ARAP2: variants seen among roughly 807,000 people sequenced by gnomAD.
The protein encoded by ARAP2 is arf-GAP with Rho-GAP domain, ANK repeat and PH domain-containing protein 2.
ARAP2 carries 148 observed loss-of-function variants against 194.5 expected under a neutral mutation model. The ratio of observed to expected loss-of-function variants is 0.76; its 90% CI spans 0.67 to 0.87. The LOEUF is 0.87. Among genes scored for constraint, ARAP2 ranks in the 40% least tolerant of loss-of-function variants. The pLI, the probability that ARAP2 is intolerant of heterozygous loss-of-function variation, is 0.00. For missense variants in ARAP2, 2,128 were observed against 1,989.7 expected (o/e 1.07, Z -1.32); for synonymous variants, 695 against 683.5 (o/e 1.02, Z -0.26).
chr4:36,214,619 T>C, intron 2 of ARAP2, 139 bp from the exon 3 acceptor site: 1 of 463,572 alleles, frequency 2.2e-6, no homozygotes, highest in Non-Finnish European at 3.5e-6. Flanking sequence ...GAGCTATACA[T>C]TCTTTTGGGT....
At chr4:36,039,652 G>T (rs1450693836) in intron 5 of ARAP2, among the ~76,000 whole-genome samples, 4 of 152,096 alleles carry the variant, frequency 2.6e-5, no homozygotes, top group Non-Finnish European at 5.9e-5. Context: ...GATCATTTGA[G>T]CCCTTCCCAT....
At chr4:36,038,758 G>C (rs958200312) in intron 5 of ARAP2, among the ~76,000 whole-genome samples, 13 of 152,086 alleles carry the variant, frequency 8.5e-5, no homozygotes. Context: ...TTTCTGCTTT[G>C]GAAGCACATG....
intron 3 of ARAP2, among the ~76,000 whole-genome samples, chr4:36,050,819 C>A (rs147144300): frequency 0.011 from 1,682 of 152,204 alleles, 19 homozygotes; most frequent in Non-Finnish European, 0.015. Flanking sequence ...CATTATGTTT[C>A]TTTTGATGTG....
intron 9 of ARAP2, among the ~76,000 whole-genome samples, chr4:36,167,744 T>C (rs1277068295): frequency 6.6e-6 from 1 of 152,154 alleles, no homozygotes; most frequent in Non-Finnish European, 1.5e-5. Context: ...TTGTTCAAAA[T>C]CTATAGTTAC....
At chr4:36,025,073 G>T (rs1717666836) in intron 5 of ARAP2, among the ~76,000 whole-genome samples, 1 of 152,048 alleles carries the variant, frequency 6.6e-6, no homozygotes, top group African/African-American at 2.4e-5. Context: ...TTCAACTTTG[G>T]CAGGGGGTGG....
In ARAP2 at chr4:36,177,953, G is replaced by A; in HGVS notation, c.1731C>T (p.Ser577=). 1 of 1,612,918 alleles carries A rather than the reference G, an allele frequency of 6.2e-7. No homozygotes were observed. Among genetic ancestry groups the A allele is most frequent in the Non-Finnish European group, 8.5e-7 (1 of 1,179,500 alleles). The part of the protein sequence containing the change: ...SILLNALKSQ[S]LTSQSQAVVT... ...CAACAGCTTGAGACTGCGAGGTAAGGGATTGTGATTTCAGTGCATTTAATA... is the reference window on the plus strand; with the variant it reads ...CAACAGCTTGAGACTGCGAGGTAAGAGATTGTGATTTCAGTGCATTTAATA... The change falls in exon 9 of 33, where the codon TCC becomes TCT. Residue 577 remains serine (S), a synonymous_variant. Coordinates refer to ENST00000303965, the MANE Select transcript of ARAP2 (RefSeq NM_015230.4).
intron 8 of ARAP2, among the ~76,000 whole-genome samples, chr4:36,182,348 C>T (rs924063943): frequency 5.9e-5 from 9 of 151,956 alleles, no homozygotes; most frequent in Non-Finnish European, 1.2e-4. Flanking sequence ...AAAAATTAGC[C>T]GTGCATGTTG....
chr4:36,193,556 G>A (rs1295449834), intron 7 of ARAP2, 22 bp downstream of exon 7: 2 of 1,526,796 alleles, frequency 1.3e-6, no homozygotes, highest in African/African-American at 1.4e-5. Context: ...AGCAATTTTT[G>A]AAAACTGTAA....
downstream of ARAP2, among the ~76,000 whole-genome samples, chr4:36,064,002 T>A (rs991882989): frequency 6.6e-6 from 1 of 152,234 alleles, no homozygotes; most frequent in Non-Finnish European, 1.5e-5. Flanking sequence ...CTAATATAGT[T>A]ACGTTCATAA....
chr4:36,121,913 A>G (rs1448562731), intron 22 of ARAP2, among the ~76,000 whole-genome samples: 1 of 151,804 alleles, frequency 6.6e-6, no homozygotes, highest in African/African-American at 2.4e-5. Flanking sequence ...CTTGGATATA[A>G]CTAAGAATGC....
chr4:36,157,806 T>C (rs1482427275), intron 15 of ARAP2, among the ~76,000 whole-genome samples: 1 of 152,056 alleles, frequency 6.6e-6, no homozygotes, highest in African/African-American at 2.4e-5. Flanking sequence ...ATTATATATA[T>C]ATATATTTGG....
At chr4:36,179,614 T>C (rs1309507780) in intron 8 of ARAP2, among the ~76,000 whole-genome samples, 2 of 152,166 alleles carry the variant, frequency 1.3e-5, no homozygotes, top group Admixed American at 6.5e-5. Flanking sequence ...GAAGTAGTTA[T>C]CAAAGCAAAA....
rs187275264 is a variant in ARAP2 at position 36,240,634 on chromosome 4, A to G, written c.-160+3545T>C. Among the ~76,000 whole-genome samples the G allele has an allele frequency of 1.6e-3, 237 of 152,348 alleles. 1 individual carries two copies. The highest frequency in any genetic ancestry group is 5.5e-3 in the African/African-American group (228 of 41,580). On this transcript the variant is annotated intron_variant, in intron 1 of 32. Coordinates refer to ENST00000303965, the MANE Select transcript of ARAP2 (RefSeq NM_015230.4). ...TTGAGGATGAAATGAGCGCATATGC[A>G]TTAAAATCTTAGAACAGTGCCTGGT...
chr4:36,128,454 A>T (rs1724494286), intron 21 of ARAP2, 79 bp downstream of exon 21: 2 of 970,354 alleles, frequency 2.1e-6, no homozygotes, highest in Admixed American at 2.9e-5. Context: ...TTAAAAGGCA[A>T]GCATGTATTA....
intron 6 of ARAP2, among the ~76,000 whole-genome samples, chr4:36,016,778 C>A (rs891905372): frequency 1.3e-5 from 2 of 152,090 alleles, no homozygotes; most frequent in Non-Finnish European, 2.9e-5. Flanking sequence ...AATCACACAA[C>A]CTCTTGGCCA....
chr4:36,226,498 G>A (rs936081922), intron 2 of ARAP2, among the ~76,000 whole-genome samples: 4 of 151,774 alleles, frequency 2.6e-5, no homozygotes, highest in South Asian at 4.2e-4. Context: ...TTAAAAAAAC[G>A]TATCTTTTAA....
chr4:36,217,407 A>G (rs1748177491), intron 2 of ARAP2, among the ~76,000 whole-genome samples: 1 of 152,120 alleles, frequency 6.6e-6, no homozygotes, highest in African/African-American at 2.4e-5. Context: ...GTGATCCCAG[A>G]TACTCGGGGT....
At chr4:36,122,598 T>C (rs1035456957) in intron 22 of ARAP2, among the ~76,000 whole-genome samples, 2 of 151,536 alleles carry the variant, frequency 1.3e-5, no homozygotes, top group Non-Finnish European at 3.0e-5. Context: ...CACTGGGGCC[T>C]AATGGAGGGT....
intron 1 of ARAP2, among the ~76,000 whole-genome samples, chr4:36,230,555 GTTTA>G (rs1482543215): frequency 2.0e-5 from 3 of 152,118 alleles, no homozygotes; most frequent in Non-Finnish European, 4.4e-5. Context: ...ATTCATAAAG[GTTTA>G]TTTTTCTCCA....
Sources: allele counts gnomAD v4.1 joint callset (sites outside exome capture counted in the v4.1 genomes callset), GRCh38; gene constraint gnomAD v4.1.1; transcripts MANE v1.5; gene names NCBI Gene and HGNC (gene_info 2026-07-23, HGNC 2026-07-21).